The following SOX5 variants were observed in gnomAD, a reference collection of about 807,000 sequenced individuals.
SOX5 encodes SRY-box transcription factor 5.
SOX5 carries 9 observed loss-of-function variants against 92.0 expected under a neutral mutation model. The ratio of observed to expected loss-of-function variants is 0.10; its 90% confidence interval spans 0.06 to 0.17. SOX5 has a LOEUF of 0.17. Among genes scored for constraint, SOX5 ranks in the 10% least tolerant of loss-of-function variants. The pLI, the probability that SOX5 is intolerant of heterozygous loss-of-function variation, is 1.00. For synonymous variants in SOX5, 344 were observed against 336.3 expected (o/e 1.02, Z -0.25); for missense variants, 642 against 944.5 (o/e 0.68, Z 4.20).
chr12:24,083,843 G>A (rs1943649960), intron 4 of SOX5, among the ~76,000 whole-genome samples: 1 of 152,028 alleles, frequency 6.6e-6, no homozygotes, highest in Admixed American at 6.6e-5. Flanking sequence ...CTATTTATAT[G>A]GAATTAGGGC....
chr12:23,751,967 A>G lies in SOX5; in HGVS notation c.568+3671T>C, dbSNP rs139987200. 8.1e-3 allele frequency among the ~76,000 whole-genome samples: 1,217 copies of G among 150,236 alleles called. 11 individuals are homozygous for G. Among genetic ancestry groups the G allele is most frequent in the African/African-American group, 0.028 (1,162 of 40,816 alleles). ...ACTCTTGAAATAAGGCAGGTAGAGA[A>G]ACTGGTCTAGAATTTTTGTTAAATT... On this transcript the variant is annotated intron_variant, in intron 4 of 14. Transcript: ENST00000451604.
intron 2 of SOX5, among the ~76,000 whole-genome samples, chr12:23,876,177 C>T (rs1468127568): frequency 1.3e-5 from 2 of 152,160 alleles, no homozygotes; most frequent in Admixed American, 1.3e-4. Flanking sequence ...TTTCTCATCA[C>T]AGTGAACAGG....
At chr12:23,885,949 C>T (rs2097059477) in intron 2 of SOX5, among the ~76,000 whole-genome samples, 1 of 151,336 alleles carries the variant, frequency 6.6e-6, no homozygotes, top group African/African-American at 2.4e-5. Flanking sequence ...GTTTCAATGC[C>T]AGCTTTAATG....
chr12:24,548,430 A>T (rs144520878), intron 1 of SOX5, among the ~76,000 whole-genome samples: 3 of 152,352 alleles, frequency 2.0e-5, no homozygotes, highest in Non-Finnish European at 4.4e-5. Flanking sequence ...ATTTTAGAAT[A>T]TCTGTACGAG....
rs1180980840 is a variant in SOX5 at position 23,534,293 on chromosome 12, C to T, written c.2218G>A (p.Asp740Asn). The T allele has an allele frequency of 6.8e-6, 11 of 1,614,012 alleles. No individual in the cohort carries two copies. The highest frequency in any genetic ancestry group is 1.1e-5 in the South Asian group (1 of 91,092). ...DINGEIYDEY[D>N]EEEDDPDVDY... ...ACATCTGGATCATCCTCTTCCTCGT[C>T]GTACTCATCATAAATTTCTCCATTG... The change falls in exon 15 of 15, where the codon GAC (aspartate) becomes AAC (asparagine). Residue 740 changes from aspartate to asparagine, a missense_variant. Asp to Asn is a conservative substitution (Grantham distance 23). Coordinates refer to ENST00000451604, the MANE Select transcript of SOX5 (RefSeq NM_006940.6).
chr12:24,191,460 C>T (rs1458798660), intron 4 of SOX5, among the ~76,000 whole-genome samples: 2 of 152,156 alleles, frequency 1.3e-5, no homozygotes, highest in East Asian at 1.9e-4. Flanking sequence ...GTGACCACTG[C>T]TCACCATCAG....
chr12:23,773,387 A>ACC (rs2094996457), intron 3 of SOX5, among the ~76,000 whole-genome samples: 2 of 152,132 alleles, frequency 1.3e-5, no homozygotes, highest in South Asian at 4.2e-4. Context: ...TTATTTATTT[A>ACC]TTGAGACAGA....
At chr12:23,949,790 C>CTT, upstream of SOX5, 1 of 511,598 alleles carries the variant, frequency 2.0e-6, no homozygotes, top group Non-Finnish European at 3.2e-6. Context: ...CTCTCTCTCT[C>CTT]TCTTTCTCCC....
intron 4 of SOX5, among the ~76,000 whole-genome samples, chr12:24,093,666 G>A (rs1270663142): frequency 6.8e-6 from 1 of 147,214 alleles, no homozygotes; most frequent in Non-Finnish European, 1.5e-5. Context: ...TTTATTTCTT[G>A]TCTGTTGAAA....
intron 3 of SOX5, among the ~76,000 whole-genome samples, chr12:24,237,074 G>T (rs990403972): frequency 6.6e-6 from 1 of 152,158 alleles, no homozygotes; most frequent in Non-Finnish European, 1.5e-5. Flanking sequence ...GATAATTTTT[G>T]ATGTAACGAC....
At chr12:24,204,240 G>A (rs1189956281) in intron 4 of SOX5, among the ~76,000 whole-genome samples, 1 of 151,826 alleles carries the variant, frequency 6.6e-6, no homozygotes, top group Non-Finnish European at 1.5e-5. Flanking sequence ...CATTTAGATA[G>A]TTTTTAATAT....
intron 9 of SOX5, among the ~76,000 whole-genome samples, chr12:23,591,762 T>C (rs996535140): frequency 1.3e-5 from 2 of 152,124 alleles, no homozygotes; most frequent in East Asian, 1.9e-4. Context: ...TAGAGAAGTA[T>C]AGAAAACACA....
intron 4 of SOX5, among the ~76,000 whole-genome samples, chr12:24,106,394 C>G (rs9804944): frequency 0.78 from 118,700 of 152,104 alleles, 46,935 homozygotes; most frequent in East Asian, 1. Flanking sequence ...ATATTCAAAA[C>G]TATACATGAC....
intron 2 of SOX5, among the ~76,000 whole-genome samples, chr12:23,856,160 C>T (rs986561324): frequency 1.4e-4 from 21 of 152,212 alleles, no homozygotes; most frequent in South Asian, 2.1e-4. Context: ...CCCACTTTAG[C>T]GGGCCCATAA....
At chr12:24,562,057 G>T (rs1326837713) in intron 1 of SOX5, among the ~76,000 whole-genome samples, 2 of 152,228 alleles carry the variant, frequency 1.3e-5, no homozygotes, top group African/African-American at 4.8e-5. Flanking sequence ...GGCGCTCCAG[G>T]GTCCCCCGGC....
intron 4 of SOX5, among the ~76,000 whole-genome samples, chr12:24,050,832 A>G (rs1042156571): frequency 6.6e-6 from 1 of 152,162 alleles, no homozygotes; most frequent in South Asian, 2.1e-4. Context: ...AAATGAAGCC[A>G]TTCTTCTTCT....
intron 3 of SOX5, among the ~76,000 whole-genome samples, chr12:23,843,726 C>A (rs756518378): frequency 6.6e-6 from 1 of 151,520 alleles, no homozygotes; most frequent in African/African-American, 2.4e-5. Flanking sequence ...ACCATGCCTG[C>A]CTAATTTTTG....
intron 2 of SOX5, among the ~76,000 whole-genome samples, chr12:23,863,128 A>C (rs1475714787): frequency 6.6e-6 from 1 of 151,916 alleles, no homozygotes; most frequent in Non-Finnish European, 1.5e-5. Context: ...AATACTGCGA[A>C]TTTTTCATTT....
chr12:23,732,380 A>G (rs557880901), intron 6 of SOX5, among the ~76,000 whole-genome samples: 22 of 152,318 alleles, frequency 1.4e-4, no homozygotes, highest in African/African-American at 5.3e-4. Context: ...TGTTACTTTC[A>G]TAACTATTAA....
Sources: gnomAD v4.1 joint callset for allele counts (sites outside exome capture counted in the v4.1 genomes callset) on GRCh38, gnomAD v4.1.1 for gene constraint, MANE v1.5 for transcripts, NCBI Gene and HGNC (gene_info 2026-07-23, HGNC 2026-07-21) for gene names.